Variants in PARD3 observed in about 807,000 individuals in gnomAD.
The protein encoded by PARD3 is par-3 family cell polarity regulator.
Under a neutral mutation model 155.4 loss-of-function variants are expected in PARD3, and 75 were observed. The observed-to-expected ratio is 0.48, with a 90% CI of 0.40 to 0.58. The LOEUF (loss-of-function observed/expected upper bound fraction) is 0.58. Ranked by LOEUF, PARD3 falls within the 20% of genes least tolerant of loss-of-function variation. PARD3 has a pLI of 0.00. For synonymous variants in PARD3, 576 were observed against 610.5 expected, an observed-to-expected ratio of 0.94 and a Z score of 0.83; for missense variants, 1,642 against 1,721.7, an observed-to-expected ratio of 0.95 and a Z score of 0.82.
chr10:34,789,482 G>A (rs1007692571), intron 1 of PARD3, among the ~76,000 whole-genome samples: 1 of 152,062 alleles, frequency 6.6e-6, no homozygotes, highest in Non-Finnish European at 1.5e-5. Context: ...AGGATCGTCT[G>A]AGGCCAGGAG....
intron 18 of PARD3, 146 bp downstream of exon 18, chr10:34,336,053 T>C: frequency 1.7e-6 from 1 of 573,044 alleles, no homozygotes; most frequent in Non-Finnish European, 3.1e-6. Context: ...ATTTCTTTTC[T>C]TATGTAATTC....
At chr10:34,800,504 G>A (rs567321139) in intron 1 of PARD3, among the ~76,000 whole-genome samples, 2 of 151,880 alleles carry the variant, frequency 1.3e-5, no homozygotes, top group African/African-American at 2.4e-5. Flanking sequence ...CCAGCTACTC[G>A]GGAGGCTGAG....
intron 22 of PARD3, among the ~76,000 whole-genome samples, chr10:34,204,311 G>GA (rs1354662364): frequency 6.6e-6 from 1 of 152,214 alleles, no homozygotes. Flanking sequence ...ATAAAGGAAA[G>GA]AGAGTCCAGT....
intron 2 of PARD3, among the ~76,000 whole-genome samples, chr10:34,581,479 C>A (rs2087481108): frequency 6.6e-6 from 1 of 151,992 alleles, no homozygotes; most frequent in African/African-American, 2.4e-5. Flanking sequence ...CGTGATCTAC[C>A]CACCTCGGCC....
At chr10:34,260,420 T>C (rs1231807776) in intron 22 of PARD3, among the ~76,000 whole-genome samples, 2 of 152,132 alleles carry the variant, frequency 1.3e-5, no homozygotes, top group Non-Finnish European at 2.9e-5. Context: ...TCTGGAAGAC[T>C]GTTTAGAGAG....
In PARD3 at chr10:34,463,354, A is replaced by AAGGGGG. The variant is rs1554865336; in HGVS notation, c.582+6730_582+6731insCCCCCT. 8.7e-3 allele frequency among the ~76,000 whole-genome samples: 639 copies of AAGGGGG among 73,478 alleles called. 16 individuals are homozygous for AAGGGGG. Among genetic ancestry groups the AAGGGGG allele is most frequent in the African/African-American group, 0.034 (603 of 17,546 alleles). 48.2% of individuals were successfully genotyped at this position (73,478 alleles called of 152,430 possible). The stretch of plus-strand genomic sequence containing the variant: ...GAATGGGAATGGGAAGGGGAAGGGG[A>AAGGGGG]AGGGGAGGGGAGGGGAGGGGAGGGG... On this transcript the variant is annotated intron_variant, in intron 4 of 24. Transcript: ENST00000374788.
At chr10:34,345,288 T>A in intron 15 of PARD3, 2 of 985,412 alleles carry the variant, frequency 2.0e-6, no homozygotes, top group Non-Finnish European at 2.4e-6. Flanking sequence ...TTAAAAGCCT[T>A]TCGCCAGGGA....
chr10:34,517,866 TTTTG>T (rs915634877), intron 2 of PARD3, among the ~76,000 whole-genome samples: 8 of 152,028 alleles, frequency 5.3e-5, no homozygotes, highest in Admixed American at 6.6e-5. Flanking sequence ...TGAGCTCAGT[TTTTG>T]TTTGTTTGTT....
chr10:34,736,641 T>TATTA (rs71486002), intron 1 of PARD3, among the ~76,000 whole-genome samples: 1,382 of 126,950 alleles, frequency 0.011, 22 homozygotes, highest in African/African-American at 0.018. Context: ...TAGGTTACTT[T>TATTA]ATTAATTAAT....
intron 2 of PARD3, among the ~76,000 whole-genome samples, chr10:34,611,811 T>C (rs1023034054): frequency 1.7e-4 from 21 of 125,218 alleles, no homozygotes; most frequent in Non-Finnish European, 2.3e-4. Flanking sequence ...TTCTTTCTTT[T>C]TTTTTTTTTT....
intron 4 of PARD3, among the ~76,000 whole-genome samples, chr10:34,457,777 T>C (rs2077414706): frequency 6.6e-6 from 1 of 152,108 alleles, no homozygotes; most frequent in Non-Finnish European, 1.5e-5. Flanking sequence ...ATTTTTTAAC[T>C]TTTTGGAGAG....
chr10:34,583,749 C>A (rs2087726120), intron 2 of PARD3, among the ~76,000 whole-genome samples: 1 of 152,064 alleles, frequency 6.6e-6, no homozygotes, highest in African/African-American at 2.4e-5. Context: ...ATATAAATGA[C>A]ATTAGTATTG....
chr10:34,460,565 GGCTC>G (rs1344134169), intron 4 of PARD3, among the ~76,000 whole-genome samples: 9 of 152,256 alleles, frequency 5.9e-5, no homozygotes, highest in African/African-American at 1.9e-4. Context: ...CGGGCGCGGG[GGCTC>G]ACACCTGTAA....
chr10:34,274,838 G>C (rs1236001765), intron 21 of PARD3, among the ~76,000 whole-genome samples: 1 of 152,070 alleles, frequency 6.6e-6, no homozygotes, highest in Non-Finnish European at 1.5e-5. Flanking sequence ...AAGAAAGAAA[G>C]CTAACAGAAA....
chr10:34,534,213 CAG>C (rs2083061360), intron 2 of PARD3, among the ~76,000 whole-genome samples: 1 of 150,602 alleles, frequency 6.6e-6, no homozygotes, highest in African/African-American at 2.4e-5. Context: ...TTGCAGTGAG[CAG>C]AGATTGTGCC....
rs192825183 is a variant in PARD3 at position 34,497,318 on chromosome 10, C to T, written c.403+19661G>A. On this transcript the variant is annotated intron_variant, in intron 3 of 24. Coordinates refer to ENST00000374788, the MANE Select transcript of PARD3 (RefSeq NM_001184785.2). Reference sequence around the variant, plus strand: ...TATAGTATAACAACTATTTATATAGCGTTTACATTGTGTTAGGCCTTATAA... The same window carrying T: ...TATAGTATAACAACTATTTATATAGTGTTTACATTGTGTTAGGCCTTATAA... 1.5e-4 allele frequency among the ~76,000 whole-genome samples: 23 copies of T among 152,120 alleles called. No homozygotes were observed. The East Asian group carries it at 4.3e-3, about 28-fold the overall frequency.
At chr10:34,409,659 C>G (rs1268817432) in intron 5 of PARD3, among the ~76,000 whole-genome samples, 4 of 152,218 alleles carry the variant, frequency 2.6e-5, no homozygotes, top group Non-Finnish European at 4.4e-5. Context: ...CCACCACACA[C>G]TAGTGACCAA....
chr10:34,662,859 G>C (rs1202929987), intron 2 of PARD3, among the ~76,000 whole-genome samples: 1 of 136,778 alleles, frequency 7.3e-6, no homozygotes, highest in Non-Finnish European at 1.5e-5. Flanking sequence ...GTGACAGTGA[G>C]AAACTGTCTC....
At chr10:34,287,822 TATTA>T (rs1956474043) in intron 20 of PARD3, among the ~76,000 whole-genome samples, 2 of 152,212 alleles carry the variant, frequency 1.3e-5, no homozygotes, top group Non-Finnish European at 2.9e-5. Flanking sequence ...GGTATTAAAA[TATTA>T]ATTAGTTTCC....
Sources: gnomAD v4.1 joint callset for allele counts (sites outside exome capture counted in the v4.1 genomes callset) on GRCh38, gnomAD v4.1.1 for gene constraint, MANE v1.5 for transcripts, NCBI Gene and HGNC (gene_info 2026-07-23, HGNC 2026-07-21) for gene names.